The following LRRIQ3 variants were observed in gnomAD, a reference collection of about 807,000 sequenced individuals.
The protein encoded by LRRIQ3 is leucine-rich repeat and IQ domain-containing protein 3.
LRRIQ3 carries 75 observed loss-of-function variants against 59.3 expected under a neutral mutation model. The ratio of observed to expected loss-of-function variants is 1.26; its 90% CI spans 1.05 to 1.53. The LOEUF (loss-of-function observed/expected upper bound fraction) is 1.53, where lower values mean the gene tolerates loss of function less well. Among genes scored for constraint, LRRIQ3 ranks in the 40% most tolerant of loss-of-function variants. The pLI, the probability that LRRIQ3 is intolerant of heterozygous loss-of-function variation, is 0.00. For missense variants in LRRIQ3, 831 were observed against 710.0 expected (o/e 1.17, Z -1.94); for synonymous variants, 250 against 231.3 (o/e 1.08, Z -0.73).
chr1:74,195,021 T>C (rs772697180), intron 1 of LRRIQ3, among the ~76,000 whole-genome samples: 3 of 151,936 alleles, frequency 2.0e-5, no homozygotes, highest in Non-Finnish European at 2.9e-5. Flanking sequence ...TCTACAAAAA[T>C]ACTAAGGGAG....
At chr1:74,041,170 G>T (rs952687902) in intron 7 of LRRIQ3, 43 bp downstream of exon 7, 2 of 1,415,304 alleles carry the variant, frequency 1.4e-6, no homozygotes, top group East Asian at 4.6e-5. Flanking sequence ...ATATTCACAT[G>T]TAATTGACTT....
At chr1:74,042,644 T>C (rs1654082365) in intron 6 of LRRIQ3, among the ~76,000 whole-genome samples, 1 of 152,120 alleles carries the variant, frequency 6.6e-6, no homozygotes, top group South Asian at 2.1e-4. Context: ...TAGTATGTCA[T>C]ATTTGCAAAG....
intron 5 of LRRIQ3, among the ~76,000 whole-genome samples, chr1:74,100,826 T>C (rs967595855): frequency 5.9e-5 from 9 of 152,168 alleles, no homozygotes; most frequent in Non-Finnish European, 1.2e-4. Flanking sequence ...CCCTATTTAA[T>C]ACATGATGCT....
chr1:74,137,154 C>A (rs903230277), intron 4 of LRRIQ3, among the ~76,000 whole-genome samples: 1 of 151,682 alleles, frequency 6.6e-6, no homozygotes, highest in Non-Finnish European at 1.5e-5. Flanking sequence ...GGGGGAAAAG[C>A]ATCTCCTCTT....
At position 74,182,741 on chromosome 1, in the gene LRRIQ3, G is replaced by C; in HGVS notation, c.370C>G (p.Leu124Val). 3 of 1,612,452 alleles carry C rather than the reference G, an allele frequency of 1.9e-6. No individual in the cohort carries two copies. The highest frequency in any genetic ancestry group is 2.5e-6 in the Non-Finnish European group (3 of 1,178,834). ...CAATCAAACATAGTGAGGGCAATGA[G>C]GGTTGGACAGGCAGATAATACACAT... Reference protein sequence around the residue: ...NICVLSACPTLIALTMFDCPV... With the variant: ...NICVLSACPTVIALTMFDCPV... Residue 124 changes from leucine (L) to valine (V), a missense_variant, in exon 3 of 8, where the codon CTC becomes GTC. Leu to Val is a conservative substitution (Grantham distance 32). Transcript: ENST00000354431.
At chr1:74,191,909 G>A (rs1406117379) in intron 1 of LRRIQ3, among the ~76,000 whole-genome samples, 1 of 151,904 alleles carries the variant, frequency 6.6e-6, no homozygotes, top group African/African-American at 2.4e-5. Context: ...AAGTAAATAT[G>A]AGAAAATTTT....
intron 4 of LRRIQ3, among the ~76,000 whole-genome samples, chr1:74,141,393 T>C (rs1445240273): frequency 2.6e-5 from 4 of 151,832 alleles, no homozygotes; most frequent in African/African-American, 9.7e-5. Context: ...AAAACACGGT[T>C]TGAGCTAATA....
At chr1:74,190,113 T>G (rs914811200) in intron 1 of LRRIQ3, among the ~76,000 whole-genome samples, 1 of 152,016 alleles carries the variant, frequency 6.6e-6, no homozygotes, top group Non-Finnish European at 1.5e-5. Flanking sequence ...AGTAAGGTCA[T>G]AGGGTAAACT....
intron 3 of LRRIQ3, among the ~76,000 whole-genome samples, chr1:74,178,035 T>A (rs1649754389): frequency 6.6e-6 from 1 of 151,946 alleles, no homozygotes; most frequent in African/African-American, 2.4e-5. Context: ...ACTTTTTATA[T>A]CAATGAAAGA....
intron 5 of LRRIQ3, among the ~76,000 whole-genome samples, chr1:74,085,551 T>G (rs1288439298): frequency 6.6e-6 from 1 of 151,902 alleles, no homozygotes. Context: ...CATCAGAGAC[T>G]ATGTTATTTT....
In LRRIQ3 at chr1:74,094,405, G is replaced by A. The variant is rs182387029; in HGVS notation, c.867+14989C>T. Among the ~76,000 whole-genome samples the A allele has an allele frequency of 5.0e-3, 763 of 152,128 alleles. 3 individuals are homozygous for A. The highest frequency in any genetic ancestry group is 8.3e-3 in the Non-Finnish European group (564 of 67,982). On this transcript the variant is annotated intron_variant, in intron 5 of 7. Coordinates refer to ENST00000354431, the MANE Select transcript of LRRIQ3 (RefSeq NM_001105659.2). ...AGGCAGGACATTAGAGAGGATGTAT[G>A]TAAGAGATGAGATGACAGAAGCAAG...
intron 4 of LRRIQ3, among the ~76,000 whole-genome samples, chr1:74,152,926 T>C (rs1184180459): frequency 6.6e-6 from 1 of 152,210 alleles, no homozygotes; most frequent in African/African-American, 2.4e-5. Context: ...TTGATTCATA[T>C]ATTAGCCTCC....
intron 4 of LRRIQ3, among the ~76,000 whole-genome samples, chr1:74,149,263 C>CAG (rs1647772990): frequency 6.6e-6 from 1 of 152,066 alleles, no homozygotes; most frequent in Non-Finnish European, 1.5e-5. Context: ...TTATATTTTC[C>CAG]TTACATGTAT....
intron 2 of LRRIQ3, 104 bp from the exon 3 acceptor site, chr1:74,182,965 G>A (rs1650090811): frequency 1.7e-6 from 1 of 603,862 alleles, no homozygotes; most frequent in African/African-American, 1.9e-5. Context: ...TCCCCAAATA[G>A]CAAGTTTCTA....
chr1:74,095,746 T>C (rs962777614), intron 5 of LRRIQ3, among the ~76,000 whole-genome samples: 1 of 152,040 alleles, frequency 6.6e-6, no homozygotes, highest in Non-Finnish European at 1.5e-5. Context: ...TAAAAATACA[T>C]TTAGGTCATT....
intron 6 of LRRIQ3, among the ~76,000 whole-genome samples, chr1:74,072,555 T>C (rs1281821244): frequency 6.6e-6 from 1 of 151,894 alleles, no homozygotes; most frequent in East Asian, 1.9e-4. Flanking sequence ...AATTTCTTCA[T>C]ATTTGGGCTT....
At position 74,074,699 on chromosome 1, in the gene LRRIQ3, C is replaced by A; in HGVS notation, c.959G>T (p.Gly320Val). 1 of 1,440,384 alleles carries A rather than the reference C, an allele frequency of 6.9e-7. No individual in the cohort carries two copies. Among genetic ancestry groups the A allele is most frequent in the Non-Finnish European group, 9.3e-7 (1 of 1,075,858 alleles). The allele number at this position is 1,440,384 out of a possible 1,614,324, so 89.2% of individuals were successfully genotyped here. A position where few individuals can be genotyped will look rare whatever the true frequency, so the allele number is the denominator to read the frequency against. ...ATGTCTTGATGTTTTTGATTTCATG[C>A]CTAGATCTTTTGGTTTTAATTCACA... is the stretch of plus-strand genomic sequence containing the variant. ...ILCELKPKDL[G>V]MKSKTSRHLI... Residue 320 changes from glycine to valine, a missense_variant, in exon 6 of 8, where the codon GGC (glycine) becomes GTC (valine). Gly to Val is a moderately radical substitution (Grantham distance 109, BLOSUM62 -3). Coordinates refer to ENST00000354431, the MANE Select transcript of LRRIQ3 (RefSeq NM_001105659.2).
At chr1:74,087,912 T>C (rs1447989153) in intron 5 of LRRIQ3, among the ~76,000 whole-genome samples, 1 of 151,534 alleles carries the variant, frequency 6.6e-6, no homozygotes, top group East Asian at 1.9e-4. Flanking sequence ...GCCTGGCCAA[T>C]ACGGTGAAAC....
chr1:74,035,776 T>TTG (rs1407648431), intron 7 of LRRIQ3, among the ~76,000 whole-genome samples: 1 of 152,130 alleles, frequency 6.6e-6, no homozygotes, highest in Non-Finnish European at 1.5e-5. Context: ...CACTGTCAAC[T>TTG]ACTCTTCATA....
Sources: allele counts gnomAD v4.1 joint callset (sites outside exome capture counted in the v4.1 genomes callset), GRCh38; gene constraint gnomAD v4.1.1; transcripts MANE v1.5; gene names NCBI Gene and HGNC (gene_info 2026-07-23, HGNC 2026-07-21).